Variants in RUFY1 observed in about 807,000 individuals in gnomAD.
RUFY1 encodes RUN and FYVE domain-containing protein 1.
In RUFY1, 54 loss-of-function variants were observed where a neutral mutation model predicts 94.6. That is an observed-to-expected ratio of 0.57 (90% CI 0.46 to 0.72). RUFY1 has a LOEUF of 0.72. Ranked by LOEUF, RUFY1 falls within the 30% of genes least tolerant of loss-of-function variation. The pLI is 0.00. For missense variants in RUFY1, 883 were observed against 883.9 expected, an observed-to-expected ratio of 1.00 and a Z score of 0.01; for synonymous variants, 396 against 347.3, an observed-to-expected ratio of 1.14 and a Z score of -1.56.
chr5:179,597,221 T>TTTTGTG (rs1351230200), intron 13 of RUFY1, among the ~76,000 whole-genome samples: 1 of 151,746 alleles, frequency 6.6e-6, no homozygotes, highest in Non-Finnish European at 1.5e-5. Flanking sequence ...CCCGGCTAAT[T>TTTTGTG]TTTGTGTTTG....
At chr5:179,598,618 G>A (rs1163124988) in intron 13 of RUFY1, 74 bp from the exon 14 acceptor site, 18 of 1,557,140 alleles carry the variant, frequency 1.2e-5, no homozygotes, top group South Asian at 3.4e-5. Context: ...TGTTTCCTGG[G>A]CGGTGAATTG....
chr5:179,550,635 G>A lies in RUFY1; in HGVS notation c.66G>A (p.Pro22=), dbSNP rs374837764. 3.5e-6 allele frequency: 5 copies of A among 1,412,392 alleles called. No individual in the cohort carries two copies. The highest frequency in any genetic ancestry group is 4.6e-6 in the Non-Finnish European group (5 of 1,090,630). 87.5% of individuals were successfully genotyped at this position (1,412,392 alleles called of 1,614,324 possible). Residue 22 remains proline, a synonymous_variant, in exon 1 of 18, where the codon CCG becomes CCA. Coordinates refer to ENST00000319449, the MANE Select transcript of RUFY1 (RefSeq NM_025158.5). ...GGGAGCTGGAGCCGGAGCTGGAGCC[G>A]GGGCCGGGGCCCGGGTCAGCGCTTG... ...RGRELEPELE[P]GPGPGSALEP...
Position 179,562,596 on chromosome 5 carries a change from G to A in RUFY1, c.534G>A (p.Glu178=), listed in dbSNP as rs747448073. The stretch of plus-strand genomic sequence containing the variant: ...ATAAATCATTCTTTGGTCCTTTGGA[G>A]CTGGTGGAGAAACTTTGTCCAGAAG... ...GQNKSFFGPL[E]LVEKLCPEAS... The change falls in exon 3 of 18, where the codon GAG becomes GAA. Residue 178 remains glutamate, a synonymous_variant. Transcript: ENST00000319449. The A allele has an allele frequency of 9.3e-6, 15 of 1,612,154 alleles. No homozygotes were observed. Among genetic ancestry groups the A allele is most frequent in the Non-Finnish European group, 1.3e-5 (15 of 1,178,348 alleles).
chr5:179,597,859 C>T (rs1765835317), intron 13 of RUFY1, among the ~76,000 whole-genome samples: 2 of 152,184 alleles, frequency 1.3e-5, no homozygotes, highest in Non-Finnish European at 2.9e-5. Context: ...CTTCTCCCTC[C>T]AGGATCCTTC....
chr5:179,574,877 A>G (rs1044505027), intron 5 of RUFY1, among the ~76,000 whole-genome samples: 19 of 152,008 alleles, frequency 1.2e-4, no homozygotes, highest in African/African-American at 4.1e-4. Context: ...TGCTTTGGGT[A>G]TTAATTCTTT....
chr5:179,571,722 A>G (rs1337008783), intron 5 of RUFY1, among the ~76,000 whole-genome samples: 1 of 152,194 alleles, frequency 6.6e-6, no homozygotes, highest in Non-Finnish European at 1.5e-5. Context: ...GGATGTGATG[A>G]GCATTCTCAG....
intron 5 of RUFY1, among the ~76,000 whole-genome samples, chr5:179,574,332 C>T (rs538153479): frequency 1.9e-3 from 285 of 152,230 alleles, no homozygotes; most frequent in African/African-American, 6.6e-3. Context: ...GAGGCAGAGG[C>T]TGCAGTGAGC....
At chr5:179,607,747 AG>A in intron 17 of RUFY1, 88 bp downstream of exon 17, 1 of 1,182,970 alleles carries the variant, frequency 8.5e-7, no homozygotes, top group East Asian at 2.4e-5. Context: ...CCCATATCAG[AG>A]CAGGCTCACT....
At chr5:179,595,189 TA>T (rs1290588156) in intron 12 of RUFY1, among the ~76,000 whole-genome samples, 1 of 143,422 alleles carries the variant, frequency 7.0e-6, no homozygotes, top group Non-Finnish European at 1.6e-5. Context: ...CTAAAAATAC[TA>T]AAAATTAGGA....
At chr5:179,607,457 T>C (rs2127578588) in intron 16 of RUFY1, 125 bp from the exon 17 acceptor site, 1 of 776,304 alleles carries the variant, frequency 1.3e-6, no homozygotes. Context: ...CCCCATCTGA[T>C]GGAGAAACAG....
At chr5:179,596,883 C>A in intron 13 of RUFY1, 1 of 596,608 alleles carries the variant, frequency 1.7e-6, no homozygotes, top group Non-Finnish European at 2.7e-6. Flanking sequence ...CTCACGTGGT[C>A]CAGCTCGCCT....
chr5:179,552,396 G>T (rs1761911205), intron 1 of RUFY1, among the ~76,000 whole-genome samples: 1 of 152,134 alleles, frequency 6.6e-6, no homozygotes. Context: ...TGGTACCTTT[G>T]CTGTAGATGC....
chr5:179,569,996 G>A (rs1392777151), intron 5 of RUFY1, among the ~76,000 whole-genome samples: 1 of 151,970 alleles, frequency 6.6e-6, no homozygotes, highest in African/African-American at 2.4e-5. Context: ...CGCCCACCTC[G>A]GCCTCCCAAA....
At chr5:179,608,903 C>T (rs1374486420) in intron 17 of RUFY1, among the ~76,000 whole-genome samples, 1 of 143,114 alleles carries the variant, frequency 7.0e-6, no homozygotes, top group Non-Finnish European at 1.5e-5. Flanking sequence ...TGCACCCCAG[C>T]CTGGGCGACA....
intron 17 of RUFY1, chr5:179,608,681 A>C: frequency 3.1e-6 from 3 of 969,570 alleles, no homozygotes; most frequent in Non-Finnish European, 3.7e-6. Flanking sequence ...TAATCCTAGC[A>C]CTTTGGGAGG....
chr5:179,560,492 G>A (rs1581424938), intron 2 of RUFY1, among the ~76,000 whole-genome samples: 1 of 152,136 alleles, frequency 6.6e-6, no homozygotes, highest in East Asian at 1.9e-4. Context: ...GGCCAAGGCG[G>A]GCGGATCACG....
At chr5:179,583,255 G>A (rs1348100540) in intron 7 of RUFY1, among the ~76,000 whole-genome samples, 2 of 151,478 alleles carry the variant, frequency 1.3e-5, no homozygotes, top group African/African-American at 4.9e-5. Flanking sequence ...AGCTGAGATT[G>A]CGCCACTGCA....
chr5:179,603,885 C>G (rs1316860264), intron 15 of RUFY1: 1 of 152,116 alleles, frequency 6.6e-6, no homozygotes, highest in Admixed American at 6.6e-5. Flanking sequence ...TGGAGAAACC[C>G]CATCTCTACT....
At chr5:179,570,646 G>T (rs1395604140) in intron 5 of RUFY1, among the ~76,000 whole-genome samples, 1 of 152,046 alleles carries the variant, frequency 6.6e-6, no homozygotes, top group Non-Finnish European at 1.5e-5. Context: ...CTGGGCCACT[G>T]CCCAGAAAAA....
Sources: gnomAD v4.1 joint callset for allele counts (sites outside exome capture counted in the v4.1 genomes callset) on GRCh38, gnomAD v4.1.1 for gene constraint, MANE v1.5 for transcripts, NCBI Gene and HGNC (gene_info 2026-07-23, HGNC 2026-07-21) for gene names.